The following ERBB4 variants were observed in gnomAD, a reference collection of about 807,000 sequenced individuals.
ERBB4 encodes receptor tyrosine-protein kinase erbB-4.
A neutral mutation model predicts 158.0 loss-of-function variants in ERBB4; 42 were observed. That is an observed-to-expected ratio of 0.27 (90% CI 0.21 to 0.34). The LOEUF is 0.34. ERBB4 is among the 10% of genes least tolerant of loss of function. ERBB4 has a pLI of 1.00. For missense variants in ERBB4, 1,333 were observed against 1,624.1 expected (o/e 0.82, Z 3.08); for synonymous variants, 583 against 558.7 (o/e 1.04, Z -0.61).
intron 1 of ERBB4, among the ~76,000 whole-genome samples, chr2:212,430,994 G>A (rs1336375195): frequency 2.0e-5 from 3 of 152,130 alleles, no homozygotes; most frequent in South Asian, 2.1e-4. Flanking sequence ...CGGTTGCACT[G>A]CTTTTCCTTA....
intron 15 of ERBB4, among the ~76,000 whole-genome samples, chr2:211,659,666 A>G (rs1480397437): frequency 6.6e-6 from 1 of 152,172 alleles, no homozygotes; most frequent in Non-Finnish European, 1.5e-5. Context: ...AACTTGAGGG[A>G]AAAGTGTGAA....
chr2:212,282,163 G>A (rs369427760), intron 1 of ERBB4, among the ~76,000 whole-genome samples: 130 of 151,910 alleles, frequency 8.6e-4, no homozygotes, highest in African/African-American at 3.0e-3. Flanking sequence ...ACTTTGTTAC[G>A]TAGCCCGATG....
intron 20 of ERBB4, among the ~76,000 whole-genome samples, chr2:211,478,263 G>T (rs1365384637): frequency 6.6e-6 from 1 of 152,148 alleles, no homozygotes; most frequent in Non-Finnish European, 1.5e-5. Flanking sequence ...AAACAAACAA[G>T]CTTAATCACT....
intron 1 of ERBB4, among the ~76,000 whole-genome samples, chr2:212,489,332 T>C (rs538861159): frequency 6.6e-6 from 1 of 152,088 alleles, no homozygotes; most frequent in East Asian, 1.9e-4. Context: ...GTAACAAGGC[T>C]TGAGGCTCAA....
chr2:211,769,772 G>A (rs985718257), intron 4 of ERBB4, among the ~76,000 whole-genome samples: 5 of 152,200 alleles, frequency 3.3e-5, no homozygotes, highest in African/African-American at 4.8e-5. Flanking sequence ...AGCATTCAGT[G>A]TGGGTGAAAG....
At chr2:212,168,358 T>C (rs1438854203) in intron 1 of ERBB4, among the ~76,000 whole-genome samples, 1 of 152,168 alleles carries the variant, frequency 6.6e-6, no homozygotes, top group African/African-American at 2.4e-5. Flanking sequence ...CAATTTGTTT[T>C]CATTAGAATT....
At chr2:212,016,836 T>C (rs1177894809) in intron 2 of ERBB4, among the ~76,000 whole-genome samples, 2 of 152,096 alleles carry the variant, frequency 1.3e-5, no homozygotes, top group African/African-American at 4.8e-5. Context: ...ATCCATAAAA[T>C]GGGCATAATA....
chr2:212,341,593 T>A (rs931044933), intron 1 of ERBB4, among the ~76,000 whole-genome samples: 5 of 139,220 alleles, frequency 3.6e-5, no homozygotes, highest in Admixed American at 7.5e-5. Flanking sequence ...GCTCCATCCA[T>A]CATATTATAA....
chr2:211,875,041 A>AAAAAAAAAAAAAAAT (rs1559600562), intron 3 of ERBB4, among the ~76,000 whole-genome samples: 1 of 140,728 alleles, frequency 7.1e-6, no homozygotes, highest in Non-Finnish European at 1.5e-5. Context: ...AAAAAAAAAA[A>AAAAAAAAAAAAAAAT]AAAAAAAAAC....
intron 1 of ERBB4, among the ~76,000 whole-genome samples, chr2:212,454,782 C>T (rs1296018046): frequency 6.6e-6 from 1 of 152,108 alleles, no homozygotes; most frequent in Admixed American, 6.6e-5. Flanking sequence ...AGTTAAATCA[C>T]TTTCACTCTA....
At chr2:212,374,482 AAACG>A (rs1292921823) in intron 1 of ERBB4, among the ~76,000 whole-genome samples, 2 of 152,052 alleles carry the variant, frequency 1.3e-5, no homozygotes, top group Non-Finnish European at 2.9e-5. Flanking sequence ...GCATAAAAGC[AAACG>A]ATGTGTGTGT....
At chr2:211,970,004 T>C (rs1467459369) in intron 2 of ERBB4, among the ~76,000 whole-genome samples, 1 of 152,116 alleles carries the variant, frequency 6.6e-6, no homozygotes, top group Non-Finnish European at 1.5e-5. Flanking sequence ...ACTTCAGATC[T>C]TTCTAACTTT....
chr2:211,639,637 C>G (rs1034636556), intron 16 of ERBB4, among the ~76,000 whole-genome samples: 8 of 152,162 alleles, frequency 5.3e-5, no homozygotes, highest in Middle Eastern at 3.2e-3. Context: ...CTTTATCTAT[C>G]GAAGCATTAA....
intron 1 of ERBB4, among the ~76,000 whole-genome samples, chr2:212,220,925 G>A (rs1163704944): frequency 6.6e-6 from 1 of 151,348 alleles, no homozygotes. Flanking sequence ...TGAGGTCTCT[G>A]GCTTCTATAA....
At chr2:211,750,195 T>C (rs190596252) in intron 5 of ERBB4, among the ~76,000 whole-genome samples, 1 of 152,318 alleles carries the variant, frequency 6.6e-6, no homozygotes, top group Admixed American at 6.5e-5. Flanking sequence ...TCCCTGTGCC[T>C]GGAACAGTGC....
chr2:211,750,559 G>T, intron 5 of ERBB4, 80 bp downstream of exon 5: 6 of 1,216,764 alleles, frequency 4.9e-6, no homozygotes, highest in South Asian at 3.6e-5. Flanking sequence ...TGTTTTAGAT[G>T]ACCAGAGGCA....
At chr2:211,874,715 C>T (rs927558420) in intron 3 of ERBB4, among the ~76,000 whole-genome samples, 10 of 152,104 alleles carry the variant, frequency 6.6e-5, no homozygotes, top group African/African-American at 2.2e-4. Flanking sequence ...TCATGCCATG[C>T]CATACAGCAA....
intron 1 of ERBB4, among the ~76,000 whole-genome samples, chr2:212,340,680 G>A (rs181065468): frequency 3.9e-5 from 6 of 152,254 alleles, no homozygotes; most frequent in East Asian, 1.9e-4. Flanking sequence ...CAGGTAATGC[G>A]AGCTATGGGA....
At chr2:211,529,467 G>T (rs868041981) in intron 20 of ERBB4, among the ~76,000 whole-genome samples, 8 of 152,116 alleles carry the variant, frequency 5.3e-5, no homozygotes, top group Non-Finnish European at 8.8e-5. Context: ...TCCAAAAACT[G>T]CAGGAGGAGG....
Sources: gnomAD v4.1 joint callset for allele counts (sites outside exome capture counted in the v4.1 genomes callset) on GRCh38, gnomAD v4.1.1 for gene constraint, MANE v1.5 for transcripts, NCBI Gene and HGNC (gene_info 2026-07-23, HGNC 2026-07-21) for gene names.